The following TESK2 variants were observed in gnomAD, a reference collection of about 807,000 sequenced individuals.
The protein encoded by TESK2 is dual specificity testis-specific protein kinase 2.
In TESK2, 39 loss-of-function variants were observed where a neutral mutation model predicts 57.1. The ratio of observed to expected loss-of-function variants is 0.68; its 90% CI spans 0.53 to 0.89. The LOEUF (loss-of-function observed/expected upper bound fraction) is 0.89. TESK2 is among the 40% of genes least tolerant of loss of function. TESK2 has a pLI of 0.00. For synonymous variants in TESK2, 249 were observed against 267.9 expected, an observed-to-expected ratio of 0.93 and a Z score of 0.69; for missense variants, 646 against 732.1, an observed-to-expected ratio of 0.88 and a Z score of 1.36.
At chr1:45,443,569 A>G (rs1163696934) in intron 2 of TESK2, among the ~76,000 whole-genome samples, 1 of 44,142 alleles carries the variant, frequency 2.3e-5, no homozygotes, top group Non-Finnish European at 4.9e-5. Context: ...GATCCATCGC[A>G]AAAAAAAAAA....
chr1:45,364,930 A>G (rs1428465912), intron 4 of TESK2, among the ~76,000 whole-genome samples: 2 of 152,212 alleles, frequency 1.3e-5, no homozygotes, highest in African/African-American at 4.8e-5. Context: ...AATGTCAAAC[A>G]GCCAAATTAG....
At chr1:45,482,164 C>T (rs1162873346) in intron 1 of TESK2, among the ~76,000 whole-genome samples, 3 of 152,172 alleles carry the variant, frequency 2.0e-5, no homozygotes, top group African/African-American at 4.8e-5. Flanking sequence ...CTGAATAACA[C>T]CATGAGATCC....
At chr1:45,462,314 C>T (rs563462674) in intron 1 of TESK2, among the ~76,000 whole-genome samples, 20 of 152,106 alleles carry the variant, frequency 1.3e-4, no homozygotes, top group African/African-American at 3.6e-4. Flanking sequence ...GCTCTGTCGC[C>T]CAGGATGGAG....
rs192034987 is a variant in TESK2, at chr1:45,478,058, G to A, written c.-87+12794C>T. On this transcript the variant is annotated intron_variant, in intron 1 of 10. Transcript: ENST00000372086. ...AGAATCATTCATGTGTCATACAAAA[G>A]TTCTGCCTCATTTGACCCCTACCCA... Among the ~76,000 whole-genome samples the A allele has an allele frequency of 2.4e-4, 37 of 152,252 alleles. 1 individual carries two copies. The highest frequency in any genetic ancestry group is 2.2e-3 in the Admixed American group (33 of 15,276).
In TESK2 at chr1:45,394,679, CTTTTTTTT is replaced by C. The variant is rs5773871; in HGVS notation, c.345-8727_345-8720del. ...AAGATAGTAAGACCAACAGGAAACTCTTTTTTTTTTTTTTTTTTTTTTTTTTTTTAAAG... is the reference window on the plus strand; with the variant it reads ...AAGATAGTAAGACCAACAGGAAACTCTTTTTTTTTTTTTTTTTTTTTAAAG... On this transcript the variant is annotated intron_variant, in intron 3 of 10. Coordinates refer to ENST00000372086, the MANE Select transcript of TESK2 (RefSeq NM_007170.3). Among the ~76,000 whole-genome samples, 102 of 57,424 alleles carry C rather than the reference CTTTTTTTT, an allele frequency of 1.8e-3. No homozygotes were observed. In the East Asian group the frequency reaches 0.029, roughly 16 times the overall value. 37.7% of individuals were successfully genotyped at this position (57,424 alleles called of 152,430 possible). A position where few individuals can be genotyped will look rare whatever the true frequency, so the allele number is the denominator to read the frequency against.
intron 3 of TESK2, among the ~76,000 whole-genome samples, chr1:45,417,588 A>G (rs1245484311): frequency 2.7e-5 from 4 of 149,658 alleles, no homozygotes; most frequent in African/African-American, 7.4e-5. Flanking sequence ...AGATTTTTCT[A>G]TTATGTTTTC....
intron 2 of TESK2, among the ~76,000 whole-genome samples, chr1:45,443,410 A>G (rs1056169211): frequency 1.6e-4 from 21 of 130,184 alleles, no homozygotes; most frequent in African/African-American, 6.6e-4. Flanking sequence ...ACTAAAAAAT[A>G]CAAAAAAAAA....
intron 3 of TESK2, among the ~76,000 whole-genome samples, chr1:45,419,473 T>C (rs1414533051): frequency 6.6e-6 from 1 of 152,182 alleles, no homozygotes; most frequent in South Asian, 2.1e-4. Context: ...CTTTCTGATG[T>C]CTGAATATAT....
intron 2 of TESK2, among the ~76,000 whole-genome samples, chr1:45,441,362 GT>G (rs1651436631): frequency 6.6e-6 from 1 of 151,946 alleles, no homozygotes; most frequent in South Asian, 2.1e-4. Flanking sequence ...TAGAGATGGG[GT>G]TTTGCCATTC....
intron 2 of TESK2, among the ~76,000 whole-genome samples, chr1:45,445,422 AG>A (rs944629974): frequency 1.3e-5 from 2 of 152,038 alleles, no homozygotes; most frequent in African/African-American, 2.4e-5. Context: ...AAGAAGAACC[AG>A]TTGGACAATT....
intron 3 of TESK2, among the ~76,000 whole-genome samples, chr1:45,409,598 T>C (rs906303011): frequency 8.5e-5 from 13 of 152,152 alleles, no homozygotes; most frequent in African/African-American, 2.4e-4. Flanking sequence ...CTGGCTATTG[T>C]GGGGTAAAAG....
intron 5 of TESK2, among the ~76,000 whole-genome samples, chr1:45,351,367 C>G (rs1647228834): frequency 6.6e-6 from 1 of 152,204 alleles, no homozygotes; most frequent in Non-Finnish European, 1.5e-5. Flanking sequence ...CAGGCTGTTT[C>G]TTAGAAGTAA....
chr1:45,388,852 C>A (rs1366408061), intron 3 of TESK2, among the ~76,000 whole-genome samples: 1 of 151,372 alleles, frequency 6.6e-6, no homozygotes, highest in African/African-American at 2.4e-5. Flanking sequence ...TCCCAAGTAG[C>A]TGGGACTACA....
At chr1:45,350,176 T>C (rs556055726) in intron 5 of TESK2, among the ~76,000 whole-genome samples, 32 of 152,200 alleles carry the variant, frequency 2.1e-4, no homozygotes, top group African/African-American at 5.3e-4. Flanking sequence ...GTCAAACGTA[T>C]ACAATAATCA....
At chr1:45,399,140 A>ATTTTTTTTTT (rs753087306) in intron 3 of TESK2, among the ~76,000 whole-genome samples, 3 of 99,720 alleles carry the variant, frequency 3.0e-5, no homozygotes, top group Non-Finnish European at 5.6e-5. Flanking sequence ...AAAAGTTGAA[A>ATTTTTTTTTT]TTTTTTTTTT....
chr1:45,469,384 G>C (rs781058), intron 1 of TESK2, among the ~76,000 whole-genome samples: 80,016 of 151,904 alleles, frequency 0.53, 21,494 homozygotes, highest in African/African-American at 0.63. Flanking sequence ...TATGTTATCT[G>C]TAATCTTTGT....
At chr1:45,453,274 G>C (rs567959817) in intron 2 of TESK2, among the ~76,000 whole-genome samples, 2 of 150,296 alleles carry the variant, frequency 1.3e-5, no homozygotes, top group South Asian at 4.2e-4. Context: ...TTGAGTCTGG[G>C]AGGTCAAGGC....
intron 3 of TESK2, among the ~76,000 whole-genome samples, chr1:45,411,846 C>T (rs767670910): frequency 2.6e-5 from 4 of 152,148 alleles, no homozygotes; most frequent in Non-Finnish European, 5.9e-5. Context: ...TTTGTCTGTG[C>T]AGCTGGCAGG....
At chr1:45,412,306 G>A (rs373550960) in intron 3 of TESK2, among the ~76,000 whole-genome samples, 2 of 152,270 alleles carry the variant, frequency 1.3e-5, no homozygotes, top group South Asian at 2.1e-4. Flanking sequence ...CCACATATAC[G>A]GGAAGGAATA....
Sources: gnomAD v4.1 joint callset for allele counts (sites outside exome capture counted in the v4.1 genomes callset) on GRCh38, gnomAD v4.1.1 for gene constraint, MANE v1.5 for transcripts, NCBI Gene and HGNC (gene_info 2026-07-23, HGNC 2026-07-21) for gene names.